RTN4: variants seen among roughly 807,000 people sequenced by gnomAD.
RTN4 encodes the protein reticulon-4.
A neutral mutation model predicts 90.4 loss-of-function variants in RTN4; 32 were observed. The ratio of observed to expected loss-of-function variants is 0.35; its 90% CI spans 0.27 to 0.48. RTN4 has a LOEUF of 0.48. Ranked by LOEUF, RTN4 falls within the 20% of genes least tolerant of loss-of-function variation. The pLI, the probability that RTN4 is intolerant of heterozygous loss-of-function variation, is 0.99. For missense variants in RTN4, 1,706 were observed against 1,430.2 expected (o/e 1.19, Z -3.11); for synonymous variants, 629 against 552.5 (o/e 1.14, Z -1.94).
At chr2:55,101,068 G>T (rs1388266380) in intron 1 of RTN4, among the ~76,000 whole-genome samples, 3 of 151,814 alleles carry the variant, frequency 2.0e-5, no homozygotes, top group African/African-American at 7.3e-5. Flanking sequence ...TTGAAATCTT[G>T]ACATAGAAAC....
At chr2:54,989,878 C>T (rs1678864521) in intron 3 of RTN4, among the ~76,000 whole-genome samples, 1 of 152,108 alleles carries the variant, frequency 6.6e-6, no homozygotes, top group African/African-American at 2.4e-5. Flanking sequence ...AACAGTGGTT[C>T]TAATAATTAA....
At chr2:55,040,765 GTCC>G (rs920867584) in intron 1 of RTN4, among the ~76,000 whole-genome samples, 84 of 150,134 alleles carry the variant, frequency 5.6e-4, no homozygotes, top group African/African-American at 2.0e-3. Context: ...CATCTTTCTT[GTCC>G]TCTTACTCAG....
chr2:55,049,618 G>C, intron 1 of RTN4, 127 bp downstream of exon 1: 1 of 1,464,214 alleles, frequency 6.8e-7, no homozygotes, highest in Non-Finnish European at 9.3e-7. Context: ...GGGCGCCATC[G>C]CCCCGAAGTC....
At chr2:55,052,166 C>T, upstream of RTN4, among the ~76,000 whole-genome samples, 1 of 152,180 alleles carries the variant, frequency 6.6e-6, no homozygotes, top group East Asian at 1.9e-4. Flanking sequence ...ACAAAACCCA[C>T]AGGACTATAC....
intron 1 of RTN4, among the ~76,000 whole-genome samples, chr2:55,099,784 T>C (rs1450196232): frequency 6.6e-6 from 1 of 152,100 alleles, no homozygotes; most frequent in African/African-American, 2.4e-5. Context: ...GAAAAGAGAA[T>C]AATAACAGTA....
the RTN4 span, among the ~76,000 whole-genome samples, chr2:55,129,287 C>T: frequency 6.6e-6 from 1 of 151,660 alleles, no homozygotes; most frequent in Admixed American, 6.6e-5. Context: ...AGATTAGCAA[C>T]CATTAGTCTG....
intron 2 of RTN4, among the ~76,000 whole-genome samples, chr2:55,062,725 G>A (rs1273443402): frequency 6.6e-6 from 1 of 152,186 alleles, no homozygotes; most frequent in Non-Finnish European, 1.5e-5. Flanking sequence ...ATGGACAGAA[G>A]TAATCTGTGC....
intron 3 of RTN4, among the ~76,000 whole-genome samples, chr2:55,019,466 C>G (rs941370825): frequency 6.6e-6 from 1 of 152,124 alleles, no homozygotes; most frequent in African/African-American, 2.4e-5. Flanking sequence ...CTTGCCCAGA[C>G]GGTCAAAATT....
In RTN4 at chr2:55,026,188, T is replaced by A; in HGVS notation, c.1911A>T (p.Ser637=). ...AGASVIQPSS[S]PLEASSVNYE... is the part of the protein sequence containing the mutation. ...AATTAACTGAAGAAGCTTCTAATGG[T>A]GATGAGCTGGGCTGTATCACGGAAG... Residue 637 remains serine (S), a synonymous_variant, in exon 3 of 9, where the codon TCA becomes TCT. Coordinates refer to ENST00000337526, the MANE Select transcript of RTN4 (RefSeq NM_020532.5). The A allele has an allele frequency of 6.2e-7, 1 of 1,613,654 alleles. No individual in the cohort carries two copies. The highest frequency in any genetic ancestry group is 8.5e-7 in the Non-Finnish European group (1 of 1,179,828).
At position 55,025,596 on chromosome 2, in the gene RTN4, G is replaced by A. The variant is rs1449110486; in HGVS notation, c.2503C>T (p.Leu835Phe). Residue 835 changes from leucine to phenylalanine, a missense_variant, in exon 3 of 9, where the codon CTC becomes TTC. Leu to Phe is a conservative substitution (Grantham distance 22). Transcript: ENST00000337526. ...TCATTTGAATAAACTGCAGTACTGA[G>A]CTCCTCCATCTGCAAAGGAATTTTC... ...KEKIPLQMEE[L>F]STAVYSNDDL... 1 of 1,613,420 alleles carries A rather than the reference G, an allele frequency of 6.2e-7. No individual in the cohort carries two copies. The highest frequency in any genetic ancestry group is 1.3e-5 in the African/African-American group (1 of 74,858).
At chr2:55,087,416 T>C (rs1668861258) in intron 1 of RTN4, among the ~76,000 whole-genome samples, 1 of 152,256 alleles carries the variant, frequency 6.6e-6, no homozygotes, top group Non-Finnish European at 1.5e-5. Flanking sequence ...CATATGGATA[T>C]ATTCATACAA....
At chr2:55,038,635 A>C (rs1438228830) in intron 1 of RTN4, among the ~76,000 whole-genome samples, 1 of 152,244 alleles carries the variant, frequency 6.6e-6, no homozygotes, top group Non-Finnish European at 1.5e-5. Context: ...ATGTTGGTGA[A>C]AACGTAAAGC....
the RTN4 span, among the ~76,000 whole-genome samples, chr2:55,134,175 G>C: frequency 6.6e-6 from 1 of 152,136 alleles, no homozygotes; most frequent in African/African-American, 2.4e-5. Context: ...AGTGTATAAC[G>C]AGCAGAGAGG....
Position 55,050,433 on chromosome 2 carries a change from T to TTAAAAACCTAAAACTGGGAGAAA in RTN4, c.-134_-133insTTTCTCCCAGTTTTAGGTTTTTA. ...GACTGAGCCGAGGGACCTACTGTGGTGACGGCTCCCGGAACAATGAGACTG... is the reference window on the plus strand; with the variant it reads ...GACTGAGCCGAGGGACCTACTGTGGTTAAAAACCTAAAACTGGGAGAAAGACGGCTCCCGGAACAATGAGACTG... On this transcript the variant is annotated 5_prime_UTR_variant, in exon 1 of 9. Transcript: ENST00000337526. The surrounding 1 kb of genome is among the most constrained non-coding windows in gnomAD (Gnocchi z 4.6). 2.2e-6 allele frequency: 1 copy of TTAAAAACCTAAAACTGGGAGAAA among 464,762 alleles called. No individual in the cohort carries two copies. Among genetic ancestry groups the TTAAAAACCTAAAACTGGGAGAAA allele is most frequent in the African/African-American group, 2.0e-5 (1 of 49,572 alleles). The allele number at this position is 464,762 out of a possible 1,614,324, so 28.8% of individuals were successfully genotyped here. A position where few individuals can be genotyped will look rare whatever the true frequency, so the allele number is the denominator to read the frequency against.
intron 1 of RTN4, among the ~76,000 whole-genome samples, chr2:55,042,536 A>C (rs1453096444): frequency 6.6e-6 from 1 of 152,180 alleles, no homozygotes; most frequent in Non-Finnish European, 1.5e-5. Flanking sequence ...TACTCAAGAA[A>C]CTACTAACAG....
chr2:55,130,074 T>A, the RTN4 span, among the ~76,000 whole-genome samples: 1 of 152,190 alleles, frequency 6.6e-6, no homozygotes, highest in Admixed American at 6.5e-5. Context: ...TAAAATTGTT[T>A]GTGAAGGCAT....
the RTN4 span, among the ~76,000 whole-genome samples, chr2:55,134,530 C>T: frequency 6.6e-6 from 1 of 152,160 alleles, no homozygotes; most frequent in Non-Finnish European, 1.5e-5. Flanking sequence ...CAGAGCAGCA[C>T]CAATTTCCTG....
At chr2:55,028,073 A>T in intron 2 of RTN4, 91 bp downstream of exon 2, 1 of 1,083,550 alleles carries the variant, frequency 9.2e-7, no homozygotes, top group Non-Finnish European at 1.3e-6. Flanking sequence ...GCTAATTTTT[A>T]GTAAACCCAA....
chr2:55,013,510 C>T (rs1188721457), intron 3 of RTN4, among the ~76,000 whole-genome samples: 2 of 149,660 alleles, frequency 1.3e-5, no homozygotes, highest in Admixed American at 6.8e-5. Flanking sequence ...ATGCACTTAC[C>T]TGTTAAGTAG....
Sources: gnomAD v4.1 joint callset for allele counts (sites outside exome capture counted in the v4.1 genomes callset) on GRCh38, gnomAD v4.1.1 for gene constraint, Gnocchi (gnomAD v3.1) non-coding constraint, MANE v1.5 for transcripts, NCBI Gene and HGNC (gene_info 2026-07-23, HGNC 2026-07-21) for gene names.